The following CORO2B variants were observed in gnomAD, a reference collection of about 807,000 sequenced individuals.
The protein encoded by CORO2B is coronin 2B.
CORO2B carries 26 observed loss-of-function variants against 58.8 expected under a neutral mutation model. The observed-to-expected ratio is 0.44, with a 90% CI of 0.32 to 0.61. The LOEUF is 0.61. Among genes scored for constraint, CORO2B ranks in the 20% least tolerant of loss-of-function variants. The pLI, the probability that CORO2B is intolerant of heterozygous loss-of-function variation, is 0.04. For synonymous variants in CORO2B, 242 were observed against 253.8 expected (o/e 0.95, Z 0.44); for missense variants, 460 against 645.1 (o/e 0.71, Z 3.11).
At chr15:68,685,646 T>C (rs1030553061) in intron 2 of CORO2B, among the ~76,000 whole-genome samples, 1 of 152,218 alleles carries the variant, frequency 6.6e-6, no homozygotes, top group African/African-American at 2.4e-5. Flanking sequence ...ATGGAGCCTC[T>C]AGGGTAGTGG....
intron 2 of CORO2B, among the ~76,000 whole-genome samples, chr15:68,679,784 T>A (rs1902711812): frequency 6.6e-6 from 1 of 152,136 alleles, no homozygotes; most frequent in South Asian, 2.1e-4. Context: ...GAGAGAAAGC[T>A]TGGGATGGGG....
At chr15:68,641,346 C>T (rs1901219171) in intron 1 of CORO2B, among the ~76,000 whole-genome samples, 1 of 152,176 alleles carries the variant, frequency 6.6e-6, no homozygotes, top group South Asian at 2.1e-4. Flanking sequence ...TAAGGAGTCA[C>T]TCAAGAGACC....
intron 1 of CORO2B, among the ~76,000 whole-genome samples, chr15:68,579,672 T>G (rs1299547302): frequency 6.6e-6 from 1 of 152,146 alleles, no homozygotes; most frequent in Non-Finnish European, 1.5e-5. Context: ...GGTGTGGGGA[T>G]GGGCCTGCCG....
At chr15:68,669,926 G>A (rs181397842) in intron 2 of CORO2B, among the ~76,000 whole-genome samples, 3 of 151,616 alleles carry the variant, frequency 2.0e-5, no homozygotes, top group Admixed American at 1.3e-4. Context: ...GCATGATGGC[G>A]CATGCCTGTA....
chr15:68,628,527 TGTA>T (rs1900743263), intron 1 of CORO2B, among the ~76,000 whole-genome samples: 1 of 152,236 alleles, frequency 6.6e-6, no homozygotes, highest in African/African-American at 2.4e-5. Flanking sequence ...TTATCCATTT[TGTA>T]ACAAGGGAAT....
chr15:68,658,440 C>G (rs548288114), intron 2 of CORO2B, among the ~76,000 whole-genome samples: 76 of 152,372 alleles, frequency 5.0e-4, no homozygotes, highest in Non-Finnish European at 1.0e-3. Context: ...TGGTTGGGGC[C>G]TAGGCCAGAT....
intron 3 of CORO2B, among the ~76,000 whole-genome samples, chr15:68,696,143 G>A (rs1892504509): frequency 6.6e-6 from 1 of 151,882 alleles, no homozygotes; most frequent in African/African-American, 2.4e-5. Context: ...CCAGCTACTA[G>A]GGAGGGTGAG....
intron 1 of CORO2B, among the ~76,000 whole-genome samples, chr15:68,629,887 C>T (rs1025487684): frequency 1.3e-5 from 2 of 152,148 alleles, no homozygotes; most frequent in African/African-American, 2.4e-5. Context: ...TCTAAGTGGA[C>T]ACCTTGAAGG....
At chr15:68,636,397 G>A (rs568138420) in intron 1 of CORO2B, among the ~76,000 whole-genome samples, 34 of 152,352 alleles carry the variant, frequency 2.2e-4, no homozygotes, top group South Asian at 4.1e-4. Context: ...AGAATAGACC[G>A]TGTCTCTGGC....
upstream of CORO2B, among the ~76,000 whole-genome samples, chr15:68,578,628 C>T (rs989684848): frequency 6.6e-6 from 1 of 152,126 alleles, no homozygotes; most frequent in African/African-American, 2.4e-5. This position sits in a 1 kb window ranked among gnomAD's most constrained non-coding sequence, Gnocchi z 4.2. Context: ...ACCCGACCGC[C>T]TTCTTTGCCC....
chr15:68,656,330 C>G (rs923168053), intron 2 of CORO2B, among the ~76,000 whole-genome samples: 1 of 152,022 alleles, frequency 6.6e-6, no homozygotes, highest in African/African-American at 2.4e-5. Context: ...TGTCTCCCCC[C>G]TTTCCATTCC....
intron 1 of CORO2B, among the ~76,000 whole-genome samples, chr15:68,619,047 A>ATG (rs1900442883): frequency 6.6e-6 from 1 of 152,184 alleles, no homozygotes; most frequent in Non-Finnish European, 1.5e-5. Flanking sequence ...CTCCCTAGTC[A>ATG]GGTCAGCAGC....
chr15:68,616,320 C>CT (rs1389047812), intron 1 of CORO2B, among the ~76,000 whole-genome samples: 3 of 152,184 alleles, frequency 2.0e-5, no homozygotes, highest in Non-Finnish European at 2.9e-5. Flanking sequence ...AAATGTATAG[C>CT]TTTAAAAAGC....
chr15:68,578,246 G>A (rs910746224), upstream of CORO2B, among the ~76,000 whole-genome samples: 1 of 152,180 alleles, frequency 6.6e-6, no homozygotes, highest in Non-Finnish European at 1.5e-5. The surrounding 1 kb of genome is among the most constrained non-coding windows in gnomAD (Gnocchi z 4.2). Context: ...AGTGTAGACA[G>A]TCCTAGGGCA....
At chr15:68,537,130 G>T in the CORO2B span, among the ~76,000 whole-genome samples, 1 of 152,278 alleles carries the variant, frequency 6.6e-6, no homozygotes, top group East Asian at 1.9e-4. Context: ...CTGAAAAGTT[G>T]GTTTCTGTCA....
chr15:68,597,674 C>G (rs1159449605), intron 1 of CORO2B, among the ~76,000 whole-genome samples: 1 of 151,434 alleles, frequency 6.6e-6, no homozygotes, highest in Non-Finnish European at 1.5e-5. Context: ...ACCAAACGAA[C>G]AAAATCCTCC....
chr15:68,560,876 G>T, the CORO2B span, among the ~76,000 whole-genome samples: 1 of 152,218 alleles, frequency 6.6e-6, no homozygotes, highest in Non-Finnish European at 1.5e-5. Flanking sequence ...CAGAACCGCA[G>T]CTCTCCTCAC....
chr15:68,579,468 G>A (rs911245195), intron 1 of CORO2B, among the ~76,000 whole-genome samples, 191 bp downstream of exon 1: 1 of 152,030 alleles, frequency 6.6e-6, no homozygotes, highest in African/African-American at 2.4e-5. Context: ...CCAGGGGGAG[G>A]ATGCCGCTCT....
chr15:68,628,464 G>A (rs1466916832), intron 1 of CORO2B, among the ~76,000 whole-genome samples: 4 of 152,220 alleles, frequency 2.6e-5, no homozygotes, highest in Admixed American at 1.3e-4. Flanking sequence ...TACCTGACAC[G>A]TAGCAAGTAC....
Sources: gnomAD v4.1 joint callset for allele counts (sites outside exome capture counted in the v4.1 genomes callset) on GRCh38, gnomAD v4.1.1 for gene constraint, Gnocchi (gnomAD v3.1) non-coding constraint, MANE v1.5 for transcripts, NCBI Gene and HGNC (gene_info 2026-07-23, HGNC 2026-07-21) for gene names.